Variants in ESF1 observed in about 807,000 individuals in gnomAD.
ESF1 encodes the protein ESF1 homolog.
In ESF1, 58 loss-of-function variants were observed where a neutral mutation model predicts 92.0. The observed-to-expected ratio is 0.63, with a 90% confidence interval of 0.51 to 0.78. ESF1 has a LOEUF of 0.78. ESF1 is among the 30% of genes least tolerant of loss of function. ESF1 has a pLI of 0.00. For synonymous variants in ESF1, 321 were observed against 313.7 expected (o/e 1.02, Z -0.24); for missense variants, 922 against 989.1 (o/e 0.93, Z 0.91).
chr20:13,721,167 A>G (rs557595234), intron 11 of ESF1, among the ~76,000 whole-genome samples: 14 of 152,318 alleles, frequency 9.2e-5, no homozygotes, highest in South Asian at 6.2e-4. Context: ...TATAATACTA[A>G]TATCTTTCAC....
At chr20:13,768,469 C>A (rs1979527542) in intron 7 of ESF1, among the ~76,000 whole-genome samples, 1 of 152,040 alleles carries the variant, frequency 6.6e-6, no homozygotes, top group African/African-American at 2.4e-5. Flanking sequence ...GTAATCCCAG[C>A]TACTCAGGAG....
intron 12 of ESF1, 75 bp downstream of exon 12, chr20:13,718,833 T>C (rs1040445849): frequency 3.9e-6 from 4 of 1,014,786 alleles, no homozygotes; most frequent in Non-Finnish European, 5.4e-6. Flanking sequence ...TTTTTAAAAT[T>C]AGTGACATGT....
intron 9 of ESF1, among the ~76,000 whole-genome samples, chr20:13,756,956 GT>G (rs1269187440): frequency 2.0e-5 from 3 of 152,074 alleles, no homozygotes; most frequent in African/African-American, 7.2e-5. Flanking sequence ...AGAAAAGCTT[GT>G]TATTTGTGGG....
At chr20:13,755,689 T>C (rs1054632051) in intron 9 of ESF1, among the ~76,000 whole-genome samples, 1 of 152,226 alleles carries the variant, frequency 6.6e-6, no homozygotes, top group Non-Finnish European at 1.5e-5. Flanking sequence ...ATTAATAAAA[T>C]TGTATTATTA....
chr20:13,718,840 A>G (rs1440672942), intron 12 of ESF1, 68 bp downstream of exon 12: 4 of 1,118,998 alleles, frequency 3.6e-6, no homozygotes, highest in Non-Finnish European at 4.9e-6. Flanking sequence ...AATTAGTGAC[A>G]TGTACAACTT....
chr20:13,778,413 A>G (rs1377894969), intron 2 of ESF1, among the ~76,000 whole-genome samples: 1 of 152,042 alleles, frequency 6.6e-6, no homozygotes, highest in African/African-American at 2.4e-5. Flanking sequence ...TAGTATTGCA[A>G]TATTTCTCAA....
chr20:13,715,195 ATAAAT>A (rs2049816241), intron 13 of ESF1, 28 bp from the exon 14 acceptor site: 1 of 1,466,956 alleles, frequency 6.8e-7, no homozygotes, highest in East Asian at 2.5e-5. Context: ...AAAAAAATTA[ATAAAT>A]TAATTAAACA....
intron 8 of ESF1, among the ~76,000 whole-genome samples, chr20:13,764,703 T>C (rs1979351553): frequency 6.6e-6 from 1 of 152,052 alleles, no homozygotes; most frequent in Non-Finnish European, 1.5e-5. Context: ...TTCCCACGCA[T>C]TACATGGAAG....
At chr20:13,720,546 T>C (rs2049861036) in intron 11 of ESF1, among the ~76,000 whole-genome samples, 1 of 152,210 alleles carries the variant, frequency 6.6e-6, no homozygotes, top group African/African-American at 2.4e-5. Flanking sequence ...ACATCTAGAA[T>C]ATAAGACATT....
intron 9 of ESF1, among the ~76,000 whole-genome samples, chr20:13,749,635 G>A (rs923735867): frequency 4.6e-5 from 7 of 151,544 alleles, no homozygotes; most frequent in South Asian, 2.1e-4. Context: ...GCATGATCTC[G>A]GCTCACTGCA....
At position 13,759,675 on chromosome 20, in the gene ESF1, T is replaced by C; in HGVS notation, c.1828+17A>G. ...TGAAATTCGAAAAAGAGAAAACATT[T>C]AGTATCTAATTCTTACCTGGAACCC... On this transcript the variant is annotated intron_variant, in intron 9 of 13. Coordinates refer to ENST00000617257, the MANE Select transcript of ESF1 (RefSeq NM_001276380.2). 6.4e-7 allele frequency: 1 copy of C among 1,569,004 alleles called. No individual in the cohort carries two copies.
intron 4 of ESF1, among the ~76,000 whole-genome samples, 187 bp from the exon 5 acceptor site, chr20:13,772,802 TG>T (rs1350787621): frequency 5.3e-5 from 8 of 152,192 alleles, no homozygotes; most frequent in Non-Finnish European, 8.8e-5. Flanking sequence ...TAGATCACTT[TG>T]GCTAGAGACT....
rs71188184 is a variant in ESF1 at position 13,749,232 on chromosome 20, A to ATTT, written c.1828+10457_1828+10459dup. ...AGGCACCTGCCATCATGCCCGGCTA[A>ATTT]TTTTTTTTTTTTTTTTTTTTTTTTT... On this transcript the variant is annotated intron_variant, in intron 9 of 13. Coordinates refer to ENST00000617257, the MANE Select transcript of ESF1 (RefSeq NM_001276380.2). Among the ~76,000 whole-genome samples the ATTT allele has an allele frequency of 1.0e-3, 91 of 89,670 alleles. 1 individual carries two copies. Among genetic ancestry groups the ATTT allele is most frequent in the East Asian group, 2.7e-3 (7 of 2,632 alleles). 58.8% of individuals were successfully genotyped at this position (89,670 alleles called of 152,430 possible).
chr20:13,744,962 C>A (rs948779450), intron 9 of ESF1, among the ~76,000 whole-genome samples: 3 of 152,190 alleles, frequency 2.0e-5, no homozygotes, highest in East Asian at 1.9e-4. Flanking sequence ...AAGGCCTGGA[C>A]CTTTGTCTAT....
chr20:13,728,403 G>C lies in ESF1; in HGVS notation c.2013C>G (p.Tyr671Ter). The C allele has an allele frequency of 6.2e-7, 1 of 1,612,886 alleles. No homozygotes were observed. Among genetic ancestry groups the C allele is most frequent in the Non-Finnish European group, 8.5e-7 (1 of 1,179,454 alleles). The part of the protein sequence containing the change: ...LPSDVDLNDP[Y>*]FAEEVKQIGI... ...CTATTTGTTTAACTTCTTCAGCAAA[G>C]TATGGGTCATTCAAATCAACATCAG... The change falls in exon 11 of 14, where the codon TAC becomes TAG. Residue 671 changes from tyrosine (Y) to a stop codon, truncating the protein, a stop_gained. Coordinates refer to ENST00000617257, the MANE Select transcript of ESF1 (RefSeq NM_001276380.2). LOFTEE classifies it high-confidence loss of function.
At chr20:13,778,758 T>C (rs972575652) in intron 2 of ESF1, among the ~76,000 whole-genome samples, 1 of 152,154 alleles carries the variant, frequency 6.6e-6, no homozygotes, top group Non-Finnish European at 1.5e-5. Context: ...ATTCAATAAG[T>C]ATCTGCAGCC....
intron 11 of ESF1, 49 bp downstream of exon 11, chr20:13,728,328 AC>A: frequency 1.4e-6 from 2 of 1,400,556 alleles, no homozygotes; most frequent in East Asian, 2.3e-5. Flanking sequence ...CATGTACCTC[AC>A]CTTTTTCTTT....
intron 6 of ESF1, among the ~76,000 whole-genome samples, chr20:13,770,347 T>C (rs960190602): frequency 1.3e-5 from 2 of 152,222 alleles, no homozygotes; most frequent in Admixed American, 6.6e-5. Flanking sequence ...AGACTTCTGA[T>C]AGTGCAGTCA....
Position 13,715,156 on chromosome 20 carries a change from G to A in ESF1, c.2274C>T (p.Asn758=), listed in dbSNP as rs141642269. The A allele has an allele frequency of 1.7e-5, 25 of 1,490,656 alleles. No homozygotes were observed. The highest frequency in any genetic ancestry group is 1.0e-4 in the African/African-American group (7 of 70,120). The allele number at this position is 1,490,656 out of a possible 1,614,324, so 92.3% of individuals were successfully genotyped here. ...TGTACATTGCCTGAAACCGTGCATC[G>A]TTAACATTTACCTGCAAATCCAAAA... is the stretch of plus-strand genomic sequence containing the variant. ...LIEDDFEVNV[N]DARFQAMYTS... Residue 758 remains asparagine (N), a synonymous_variant, in exon 14 of 14, where the codon AAC becomes AAT. Transcript: ENST00000617257.
Sources: allele counts gnomAD v4.1 joint callset (sites outside exome capture counted in the v4.1 genomes callset), GRCh38; gene constraint gnomAD v4.1.1; transcripts MANE v1.5; gene names NCBI Gene and HGNC (gene_info 2026-07-23, HGNC 2026-07-21).